Variants in SBF2 observed in about 807,000 individuals in gnomAD.
SBF2 encodes SET binding factor 2.
In SBF2, 112 loss-of-function variants were observed where a neutral mutation model predicts 225.2. The ratio of observed to expected loss-of-function variants is 0.50; its 90% CI spans 0.43 to 0.58. The LOEUF (loss-of-function observed/expected upper bound fraction) is 0.58. Ranked by LOEUF, SBF2 falls within the 20% of genes least tolerant of loss-of-function variation. The pLI, the probability that SBF2 is intolerant of heterozygous loss-of-function variation, is 0.00. For synonymous variants in SBF2, 763 were observed against 773.3 expected, an observed-to-expected ratio of 0.99 and a Z score of 0.22; for missense variants, 1,996 against 2,206.2, an observed-to-expected ratio of 0.90 and a Z score of 1.91.
intron 17 of SBF2, among the ~76,000 whole-genome samples, chr11:9,876,714 A>T (rs976561789): frequency 1.3e-5 from 2 of 152,186 alleles, no homozygotes; most frequent in African/African-American, 4.8e-5. Flanking sequence ...CAGCCTAAGC[A>T]GACTATGACA....
intron 2 of SBF2, among the ~76,000 whole-genome samples, chr11:10,098,485 AAAAC>A (rs1952129077): frequency 6.6e-6 from 1 of 151,770 alleles, no homozygotes; most frequent in Admixed American, 6.6e-5. Flanking sequence ...TAAAAAAAAA[AAAAC>A]AAAGAAATAT....
At chr11:10,171,523 G>C (rs1164773244) in intron 2 of SBF2, among the ~76,000 whole-genome samples, 2 of 152,064 alleles carry the variant, frequency 1.3e-5, no homozygotes, top group Non-Finnish European at 2.9e-5. Flanking sequence ...TAAACATTTT[G>C]TTAAATTTGG....
chr11:9,897,131 A>C (rs1409549561), intron 16 of SBF2, among the ~76,000 whole-genome samples: 1 of 152,248 alleles, frequency 6.6e-6, no homozygotes, highest in Non-Finnish European at 1.5e-5. Context: ...CTGTTGACAG[A>C]TAAGTGAATA....
intron 1 of SBF2, among the ~76,000 whole-genome samples, chr11:10,273,369 GCTTA>G (rs375730573): frequency 7.2e-4 from 109 of 152,182 alleles, no homozygotes; most frequent in African/African-American, 2.4e-3. Flanking sequence ...CAACATTCAT[GCTTA>G]CTAAGTAATA....
At chr11:10,013,608 T>G (rs1315411630) in intron 6 of SBF2, among the ~76,000 whole-genome samples, 1 of 152,234 alleles carries the variant, frequency 6.6e-6, no homozygotes, top group Non-Finnish European at 1.5e-5. Context: ...TAATTTTGTC[T>G]CCTAAATTTT....
chr11:9,964,629 A>G (rs1866783510), intron 14 of SBF2, among the ~76,000 whole-genome samples: 1 of 152,224 alleles, frequency 6.6e-6, no homozygotes, highest in African/African-American at 2.4e-5. Context: ...ATCATGATCA[A>G]TGAACTGTTA....
chr11:10,293,963 C>T, intron 1 of SBF2, 52 bp downstream of exon 1: 1 of 1,231,920 alleles, frequency 8.1e-7, no homozygotes, highest in Non-Finnish European at 1.0e-6. Context: ...GCCCACTGGA[C>T]AGCGGCCGGG....
At chr11:9,782,842 C>T (rs7935673) in intron 38 of SBF2, among the ~76,000 whole-genome samples, 65,062 of 149,648 alleles carry the variant, frequency 0.43, 14,724 homozygotes, top group Admixed American at 0.52. Flanking sequence ...TGCACTCCAG[C>T]CTGGGTGACA....
At chr11:10,133,768 A>G (rs1358892278) in intron 2 of SBF2, among the ~76,000 whole-genome samples, 2 of 151,876 alleles carry the variant, frequency 1.3e-5, no homozygotes, top group Non-Finnish European at 2.9e-5. Context: ...GCAATGGGGG[A>G]CTGAAGGGCT....
At chr11:10,190,969 T>C (rs1381301248) in intron 2 of SBF2, among the ~76,000 whole-genome samples, 1 of 152,206 alleles carries the variant, frequency 6.6e-6, no homozygotes, top group Non-Finnish European at 1.5e-5. Context: ...AGCTCTGCTG[T>C]ATCCTTGCTG....
intron 1 of SBF2, among the ~76,000 whole-genome samples, chr11:10,211,034 A>AAAAAAAAAAAAAAAAC (rs1352413593): frequency 6.6e-6 from 1 of 150,384 alleles, no homozygotes; most frequent in Non-Finnish European, 1.5e-5. Flanking sequence ...AAAAAAAAAA[A>AAAAAAAAAAAAAAAAC]AGAGCCTCTT....
chr11:10,237,089 A>C (rs1342407303), intron 1 of SBF2, among the ~76,000 whole-genome samples: 1 of 152,182 alleles, frequency 6.6e-6, no homozygotes, highest in East Asian at 1.9e-4. Context: ...TGGAACAAAA[A>C]CTGGAGCCAC....
intron 7 of SBF2, among the ~76,000 whole-genome samples, chr11:10,001,433 T>C (rs1426502409): frequency 6.6e-6 from 1 of 151,424 alleles, no homozygotes; most frequent in African/African-American, 2.4e-5. Context: ...CTTTCTATAC[T>C]TGATTTTTGC....
chr11:9,834,609 A>C (rs1405803919), intron 26 of SBF2, among the ~76,000 whole-genome samples: 1 of 152,206 alleles, frequency 6.6e-6, no homozygotes, highest in Non-Finnish European at 1.5e-5. Flanking sequence ...CTGAAAGCCT[A>C]GGGCTTTGGT....
rs574862843 is a variant in SBF2, at chr11:9,999,666, C to G, written c.861+1248G>C. On this transcript the variant is annotated intron_variant, in intron 8 of 39. Transcript: ENST00000256190. ...TAGCAGAAATAAAATTATGTACAAA[C>G]CAGGTGGATATGCTTCTAACTAGTA... Among the ~76,000 whole-genome samples the G allele has an allele frequency of 1.0e-3, 153 of 152,170 alleles. 1 individual carries two copies. Among genetic ancestry groups the G allele is most frequent in the African/African-American group, 3.6e-3 (148 of 41,520 alleles).
intron 1 of SBF2, among the ~76,000 whole-genome samples, chr11:10,202,214 A>C (rs1011093257): frequency 1.3e-5 from 2 of 152,228 alleles, no homozygotes; most frequent in African/African-American, 4.8e-5. Context: ...TCAACATTTA[A>C]GAAAAGAAAG....
rs749244575 is a variant in SBF2, at chr11:10,042,835, T to G, written c.279+9A>C. On this transcript the variant is annotated intron_variant, in intron 3 of 39. Coordinates refer to ENST00000256190, the MANE Select transcript of SBF2 (RefSeq NM_030962.4). ...TCGACTGTACTTTAGCTAGTAAAGGTTTTTGTACCTGAAGATTGATCTCTG... is the reference window on the plus strand; with the variant it reads ...TCGACTGTACTTTAGCTAGTAAAGGGTTTTGTACCTGAAGATTGATCTCTG... The G allele has an allele frequency of 6.2e-7, 1 of 1,613,576 alleles. No homozygotes were observed. The highest frequency in any genetic ancestry group is 1.1e-5 in the South Asian group (1 of 91,062).
intron 16 of SBF2, among the ~76,000 whole-genome samples, chr11:9,912,890 T>C (rs1005208979): frequency 6.6e-6 from 1 of 152,202 alleles, no homozygotes; most frequent in Admixed American, 6.5e-5. Context: ...TTGTAAAACA[T>C]ATAACTGTTA....
At chr11:10,073,410 T>C (rs552386118) in intron 2 of SBF2, among the ~76,000 whole-genome samples, 7 of 152,176 alleles carry the variant, frequency 4.6e-5, no homozygotes, top group Non-Finnish European at 1.0e-4. Context: ...GAAGAAACTA[T>C]AGATTAAGAA....
Sources: allele counts gnomAD v4.1 joint callset (sites outside exome capture counted in the v4.1 genomes callset), GRCh38; gene constraint gnomAD v4.1.1; transcripts MANE v1.5; gene names NCBI Gene and HGNC (gene_info 2026-07-23, HGNC 2026-07-21).